Variants in GPHN observed in about 807,000 individuals in gnomAD.
GPHN encodes the protein gephyrin.
Under a neutral mutation model 95.5 loss-of-function variants are expected in GPHN, and 17 were observed. That is an observed-to-expected ratio of 0.18 (90% CI 0.12 to 0.27). The LOEUF (loss-of-function observed/expected upper bound fraction) is 0.27, where lower values mean the gene tolerates loss of function less well. Among genes scored for constraint, GPHN ranks in the 10% least tolerant of loss-of-function variants. The pLI, the probability that GPHN is intolerant of heterozygous loss-of-function variation, is 1.00. For synonymous variants in GPHN, 320 were observed against 322.5 expected (o/e 0.99, Z 0.08); for missense variants, 660 against 978.1 (o/e 0.67, Z 4.34).
chr14:66,892,566 G>A (rs1464768153), intron 5 of GPHN, among the ~76,000 whole-genome samples: 2 of 152,130 alleles, frequency 1.3e-5, no homozygotes. Flanking sequence ...TACATGGAAT[G>A]AAATATTATT....
chr14:66,996,063 G>A, intron 9 of GPHN: 2 of 691,760 alleles, frequency 2.9e-6, no homozygotes, highest in East Asian at 2.7e-5. Context: ...TTATAAAGCT[G>A]TTTTATTATC....
At chr14:66,800,181 A>G (rs1360352366) in intron 3 of GPHN, among the ~76,000 whole-genome samples, 1 of 151,968 alleles carries the variant, frequency 6.6e-6, no homozygotes, top group Non-Finnish European at 1.5e-5. Context: ...AAAAGTTTTT[A>G]TAATTATTAT....
chr14:67,381,550 T>C, the GPHN span: 1 of 1,487,918 alleles, frequency 6.7e-7, no homozygotes, highest in Admixed American at 1.7e-5. Context: ...CTTTTAAATA[T>C]TTTTTGCATT....
chr14:67,439,373 A>T, the GPHN span, among the ~76,000 whole-genome samples: 4 of 152,298 alleles, frequency 2.6e-5, no homozygotes, highest in Middle Eastern at 3.4e-3. Context: ...TGCAGTAGAC[A>T]CTTCTCTTCT....
At chr14:67,657,751 C>CTTT in the GPHN span, among the ~76,000 whole-genome samples, 1 of 115,124 alleles carries the variant, frequency 8.7e-6, no homozygotes, top group Non-Finnish European at 1.7e-5. Context: ...TTCTTTCTTT[C>CTTT]TTTTTTTTTT....
chr14:67,391,092 A>G, the GPHN span, among the ~76,000 whole-genome samples: 3 of 152,268 alleles, frequency 2.0e-5, no homozygotes, highest in South Asian at 4.2e-4. Flanking sequence ...GGCAAACTTG[A>G]ACCCAAGGGC....
chr14:67,396,180 C>T, the GPHN span, among the ~76,000 whole-genome samples: 2 of 151,640 alleles, frequency 1.3e-5, no homozygotes, highest in Non-Finnish European at 2.9e-5. Context: ...CGGAGTCTTG[C>T]TCTGTCGCCC....
At chr14:66,679,963 A>T (rs2066843480) in intron 1 of GPHN, among the ~76,000 whole-genome samples, 2 of 152,070 alleles carry the variant, frequency 1.3e-5, no homozygotes, top group Non-Finnish European at 1.5e-5. Flanking sequence ...AATTTTCATC[A>T]TATACCAAAT....
chr14:67,460,741 G>A, the GPHN span, among the ~76,000 whole-genome samples: 15 of 152,132 alleles, frequency 9.9e-5, no homozygotes, highest in African/African-American at 3.6e-4. Context: ...TTTACCCCAT[G>A]TAGTAGGATA....
chr14:67,157,373 T>A, intron 18 of GPHN, among the ~76,000 whole-genome samples: 1 of 152,292 alleles, frequency 6.6e-6, no homozygotes, highest in African/African-American at 2.4e-5. Context: ...AATACGTGAA[T>A]TAATTAATTA....
chr14:67,728,895 A>T, the GPHN span, among the ~76,000 whole-genome samples: 1 of 151,952 alleles, frequency 6.6e-6, no homozygotes, highest in African/African-American at 2.4e-5. Flanking sequence ...TACTCACTAC[A>T]TGTTGTCATG....
the GPHN span, chr14:67,722,713 T>C: frequency 6.2e-7 from 1 of 1,612,654 alleles, no homozygotes; most frequent in African/African-American, 1.3e-5. Context: ...TCCATCAGGT[T>C]TGTCTTAATT....
intron 10 of GPHN, among the ~76,000 whole-genome samples, chr14:67,052,832 G>A (rs182139483): frequency 1.0e-3 from 158 of 152,250 alleles, no homozygotes; most frequent in Non-Finnish European, 1.5e-3. Flanking sequence ...TAAGCAACCT[G>A]CCCCTGAATG....
chr14:66,594,670 A>G (rs2061898725), intron 1 of GPHN, among the ~76,000 whole-genome samples: 1 of 152,216 alleles, frequency 6.6e-6, no homozygotes, highest in Non-Finnish European at 1.5e-5. Flanking sequence ...AAATCATCTC[A>G]AAATGGATTA....
intron 2 of GPHN, among the ~76,000 whole-genome samples, chr14:66,774,881 T>C (rs1355586667): frequency 6.6e-6 from 1 of 152,234 alleles, no homozygotes; most frequent in Admixed American, 6.5e-5. Context: ...TTTAAAATAC[T>C]GTAGGAAAAT....
intron 8 of GPHN, among the ~76,000 whole-genome samples, chr14:66,935,394 T>C (rs764921002): frequency 1.2e-3 from 183 of 151,754 alleles, no homozygotes; most frequent in Middle Eastern, 3.2e-3. Context: ...TGGTAAATGA[T>C]ACGGAAAAAA....
At chr14:66,732,160 A>G (rs2153434421) in intron 2 of GPHN, among the ~76,000 whole-genome samples, 1 of 152,312 alleles carries the variant, frequency 6.6e-6, no homozygotes, top group East Asian at 1.9e-4. Flanking sequence ...GAGCCCCCAC[A>G]CAGAGTCCCC....
At chr14:66,859,015 G>GT (rs1200195525) in intron 4 of GPHN, among the ~76,000 whole-genome samples, 6 of 152,062 alleles carry the variant, frequency 3.9e-5, no homozygotes, top group East Asian at 1.9e-4. Context: ...AATGTCTAAG[G>GT]TTTTTTTTAA....
chr14:67,619,897 A>G, the GPHN span: 1 of 970,700 alleles, frequency 1.0e-6, no homozygotes, highest in Non-Finnish European at 1.5e-6. Flanking sequence ...GGTAGGTAAG[A>G]GCAGCGGCGG....
Sources: gnomAD v4.1 joint callset for allele counts (sites outside exome capture counted in the v4.1 genomes callset) on GRCh38, gnomAD v4.1.1 for gene constraint, MANE v1.5 for transcripts, NCBI Gene and HGNC (gene_info 2026-07-23, HGNC 2026-07-21) for gene names.